FHOD3: variants seen among roughly 807,000 people sequenced by gnomAD.
FHOD3 encodes the protein FH1/FH2 domain-containing protein 3.
A neutral mutation model predicts 173.0 loss-of-function variants in FHOD3; 90 were observed. The ratio of observed to expected loss-of-function variants is 0.52; its 90% CI spans 0.44 to 0.62. The LOEUF (loss-of-function observed/expected upper bound fraction) is 0.62, where lower values mean the gene tolerates loss of function less well. Ranked by LOEUF, FHOD3 falls within the 20% of genes least tolerant of loss-of-function variation. The probability of loss-of-function intolerance (pLI) is 0.00; values close to 1 mark genes in which losing one functional copy is unlikely to be tolerated. For missense variants in FHOD3, 1,945 were observed against 2,034.7 expected (o/e 0.96, Z 0.85); for synonymous variants, 828 against 823.0 (o/e 1.01, Z -0.10).
intron 3 of FHOD3, among the ~76,000 whole-genome samples, chr18:36,401,809 G>A (rs189941243): frequency 1.3e-5 from 2 of 152,318 alleles, no homozygotes; most frequent in Admixed American, 1.3e-4. Flanking sequence ...GTAGCACAGA[G>A]TGGCCGTCAT....
intron 3 of FHOD3, among the ~76,000 whole-genome samples, chr18:36,451,880 G>C (rs750406099): frequency 4.6e-4 from 70 of 152,296 alleles, no homozygotes; most frequent in Non-Finnish European, 8.8e-4. Flanking sequence ...TTCTGAGGGG[G>C]GTAGTGCAGT....
intron 18 of FHOD3, among the ~76,000 whole-genome samples, chr18:36,716,940 G>C (rs1364313234): frequency 6.6e-6 from 1 of 151,668 alleles, no homozygotes; most frequent in Non-Finnish European, 1.5e-5. Flanking sequence ...GTGTGTGTGT[G>C]TGTGTGTGTG....
At chr18:36,328,252 C>A (rs1333658366) in intron 1 of FHOD3, among the ~76,000 whole-genome samples, 1 of 152,076 alleles carries the variant, frequency 6.6e-6, no homozygotes, top group Non-Finnish European at 1.5e-5. Context: ...GACAGGGATC[C>A]TTTTTCATGT....
intron 1 of FHOD3, among the ~76,000 whole-genome samples, chr18:36,308,177 T>C (rs1167565391): frequency 6.6e-6 from 1 of 152,208 alleles, no homozygotes; most frequent in African/African-American, 2.4e-5. Flanking sequence ...ATAAGGAAAA[T>C]ACAGATAGTG....
chr18:36,551,068 A>T (rs1414907448), intron 5 of FHOD3, among the ~76,000 whole-genome samples: 1 of 152,202 alleles, frequency 6.6e-6, no homozygotes, highest in Non-Finnish European at 1.5e-5. Flanking sequence ...GATGTCCTTT[A>T]TCAAGTTGAG....
intron 23 of FHOD3, among the ~76,000 whole-genome samples, chr18:36,745,400 G>T (rs551805954): frequency 6.6e-6 from 1 of 152,050 alleles, no homozygotes; most frequent in Non-Finnish European, 1.5e-5. Flanking sequence ...GCCTAAACTC[G>T]CCTTCTCTTT....
At chr18:36,367,951 G>T (rs1442889445) in intron 2 of FHOD3, among the ~76,000 whole-genome samples, 4 of 152,148 alleles carry the variant, frequency 2.6e-5, no homozygotes, top group South Asian at 4.2e-4. Flanking sequence ...TGTGAAGAAG[G>T]TGCTGCTTTC....
At chr18:36,446,738 C>A (rs946856022) in intron 3 of FHOD3, among the ~76,000 whole-genome samples, 7 of 152,086 alleles carry the variant, frequency 4.6e-5, no homozygotes, top group African/African-American at 1.7e-4. Context: ...CCCACCTGCC[C>A]CCAGTGCTCC....
intron 10 of FHOD3, among the ~76,000 whole-genome samples, chr18:36,648,514 T>A (rs1357001353): frequency 6.6e-6 from 1 of 152,176 alleles, no homozygotes; most frequent in Non-Finnish European, 1.5e-5. Flanking sequence ...TTTATTATTT[T>A]CCATTAGTGA....
chr18:36,317,088 G>A (rs2044167378), intron 1 of FHOD3, among the ~76,000 whole-genome samples: 1 of 152,182 alleles, frequency 6.6e-6, no homozygotes, highest in Non-Finnish European at 1.5e-5. Context: ...ATTCCATTGT[G>A]TATATGTGCC....
chr18:36,418,825 G>A (rs935424850), intron 3 of FHOD3, among the ~76,000 whole-genome samples: 15 of 152,082 alleles, frequency 9.9e-5, no homozygotes, highest in Admixed American at 4.6e-4. Flanking sequence ...TGAGGTGGGA[G>A]GATTCTTGAG....
chr18:36,501,899 T>C, intron 3 of FHOD3, 33 bp from the exon 4 acceptor site: 1 of 1,448,608 alleles, frequency 6.9e-7, no homozygotes, highest in South Asian at 1.3e-5. Context: ...AGAGTCAGTT[T>C]AATTAATTTA....
intron 3 of FHOD3, among the ~76,000 whole-genome samples, chr18:36,400,886 G>A (rs529295090): frequency 9.0e-4 from 137 of 152,334 alleles, no homozygotes; most frequent in Admixed American, 1.8e-3. Flanking sequence ...GGATCAGGAT[G>A]GTGAAGACAT....
chr18:36,417,755 A>G (rs563909660), intron 3 of FHOD3, among the ~76,000 whole-genome samples: 2 of 152,344 alleles, frequency 1.3e-5, no homozygotes, highest in South Asian at 4.1e-4. Context: ...ACGATAGCAA[A>G]TATGAAGCCT....
Position 36,512,522 on chromosome 18 carries a change from T to G in FHOD3, c.490T>G (p.Tyr164Asp). The change falls in exon 5 of 29, where the codon TAT becomes GAT. Residue 164 changes from tyrosine (Y) to aspartate (D), a missense_variant. Tyr to Asp is a radical substitution (Grantham distance 160). Around this residue, in one of 5 missense-constraint regions of FHOD3, gnomAD observed 245 missense variants for 267.7 expected, o/e 0.92. Transcript: ENST00000590592. Reference sequence around the variant, plus strand: ...GGTGGGAGCTGAGGCTGATCAGAACTATCAGAACTACATCTTAAGGGGTAA... The same window carrying G: ...GGTGGGAGCTGAGGCTGATCAGAACGATCAGAACTACATCTTAAGGGGTAA... ...IKVGAEADQN[Y>D]QNYILRALGQ... 6.2e-7 allele frequency: 1 copy of G among 1,613,804 alleles called. No homozygotes were observed. The highest frequency in any genetic ancestry group is 8.5e-7 in the Non-Finnish European group (1 of 1,179,772).
At chr18:36,398,606 C>T (rs2048662240) in intron 3 of FHOD3, among the ~76,000 whole-genome samples, 1 of 152,142 alleles carries the variant, frequency 6.6e-6, no homozygotes, top group Non-Finnish European at 1.5e-5. Context: ...ATGGTCAGGG[C>T]ATATCAGGAA....
chr18:36,643,009 T>C (rs1473975208), intron 10 of FHOD3, among the ~76,000 whole-genome samples: 1 of 152,168 alleles, frequency 6.6e-6, no homozygotes, highest in Admixed American at 6.5e-5. Flanking sequence ...GTAAAATGTA[T>C]GTTCTTCTTG....
At chr18:36,415,656 A>T (rs1481426573) in intron 3 of FHOD3, among the ~76,000 whole-genome samples, 1 of 152,346 alleles carries the variant, frequency 6.6e-6, no homozygotes, top group Admixed American at 6.5e-5. Context: ...TTTAGCAGAA[A>T]CCCAAGTCAT....
intron 3 of FHOD3, among the ~76,000 whole-genome samples, chr18:36,382,728 C>G (rs2047852666): frequency 6.6e-6 from 1 of 152,210 alleles, no homozygotes; most frequent in African/African-American, 2.4e-5. Context: ...ACAGCTGCCT[C>G]TGTTACCTTG....
Sources: gnomAD v4.1 joint callset for allele counts (sites outside exome capture counted in the v4.1 genomes callset) on GRCh38, gnomAD v4.1.1 for gene constraint, gnomAD v4.1.1 regional missense constraint, MANE v1.5 for transcripts, NCBI Gene and HGNC (gene_info 2026-07-23, HGNC 2026-07-21) for gene names.